Variants in SIPA1L1 observed in about 807,000 individuals in gnomAD.
The protein encoded by SIPA1L1 is signal-induced proliferation-associated 1-like protein 1.
Under a neutral mutation model 162.7 loss-of-function variants are expected in SIPA1L1, and 26 were observed. That is an observed-to-expected ratio of 0.16 (90% CI 0.12 to 0.22). The LOEUF (loss-of-function observed/expected upper bound fraction) is 0.22, where lower values mean the gene tolerates loss of function less well. SIPA1L1 is among the 10% of genes least tolerant of loss of function. SIPA1L1 has a pLI of 1.00. For synonymous variants in SIPA1L1, 829 were observed against 837.4 expected (o/e 0.99, Z 0.17); for missense variants, 1,874 against 2,241.0 (o/e 0.84, Z 3.31).
chr14:71,721,817 G>T (rs1198977695), intron 17 of SIPA1L1, among the ~76,000 whole-genome samples: 1 of 152,208 alleles, frequency 6.6e-6, no homozygotes, highest in Non-Finnish European at 1.5e-5. Flanking sequence ...TCTTAAACCA[G>T]TGCAGCTCTG....
chr14:71,529,812 C>T (rs544534447), intron 4 of SIPA1L1, among the ~76,000 whole-genome samples: 1 of 152,192 alleles, frequency 6.6e-6, no homozygotes, highest in South Asian at 2.1e-4. Flanking sequence ...CAGAGATGGT[C>T]CTGTAATCCT....
chr14:71,383,312 A>G (rs780765993), intron 2 of SIPA1L1, among the ~76,000 whole-genome samples: 1 of 152,180 alleles, frequency 6.6e-6, no homozygotes, highest in Non-Finnish European at 1.5e-5. Context: ...CTTACTTGCT[A>G]TGTTATACTT....
intron 12 of SIPA1L1, among the ~76,000 whole-genome samples, chr14:71,680,034 T>G (rs921220357): frequency 6.6e-6 from 1 of 152,156 alleles, no homozygotes; most frequent in African/African-American, 2.4e-5. Context: ...GACAGAAAGT[T>G]AACAAGGATA....
At chr14:71,701,111 T>C (rs2082070920) in intron 14 of SIPA1L1, among the ~76,000 whole-genome samples, 1 of 151,890 alleles carries the variant, frequency 6.6e-6, no homozygotes, top group African/African-American at 2.4e-5. Context: ...CTTGGCTTCT[T>C]ATAATGGAAT....
chr14:71,658,299 A>C, intron 8 of SIPA1L1, 34 bp from the exon 9 acceptor site: 1 of 968,508 alleles, frequency 1.0e-6, no homozygotes, highest in Non-Finnish European at 1.7e-6. Context: ...TTCCTGTTAT[A>C]GTCATCTCAT....
At chr14:71,700,892 T>G (rs910981687) in intron 14 of SIPA1L1, among the ~76,000 whole-genome samples, 18 of 147,296 alleles carry the variant, frequency 1.2e-4, no homozygotes, top group Admixed American at 3.4e-4. Flanking sequence ...TACTCAGGAG[T>G]CTGAGGCAGG....
intron 3 of SIPA1L1, among the ~76,000 whole-genome samples, chr14:71,522,971 C>T (rs1256130432): frequency 6.6e-6 from 1 of 152,174 alleles, no homozygotes; most frequent in Non-Finnish European, 1.5e-5. Context: ...CTGCACCCGA[C>T]CTTACTCTCT....
intron 4 of SIPA1L1, among the ~76,000 whole-genome samples, chr14:71,583,826 A>G (rs1028793196): frequency 4.6e-5 from 7 of 152,164 alleles, no homozygotes; most frequent in Admixed American, 2.6e-4. Context: ...ATTTGGAGGT[A>G]ACAGCATAGA....
intron 2 of SIPA1L1, among the ~76,000 whole-genome samples, chr14:71,474,081 A>G (rs1006571763): frequency 9.2e-5 from 14 of 152,154 alleles, no homozygotes; most frequent in African/African-American, 3.1e-4. Flanking sequence ...AGACTTACAG[A>G]TTATGTTAAC....
chr14:71,337,008 G>A (rs181834405), intron 2 of SIPA1L1, among the ~76,000 whole-genome samples: 32 of 152,142 alleles, frequency 2.1e-4, no homozygotes, highest in Non-Finnish European at 3.8e-4. Context: ...TTTGACTCCC[G>A]CTGTCCCATT....
chr14:71,381,132 A>C (rs2039859735), intron 2 of SIPA1L1, among the ~76,000 whole-genome samples: 1 of 152,144 alleles, frequency 6.6e-6, no homozygotes, highest in Non-Finnish European at 1.5e-5. Flanking sequence ...GGCTCACTGC[A>C]ACCTCCGCCT....
chr14:71,438,230 A>G (rs893441073), intron 2 of SIPA1L1, among the ~76,000 whole-genome samples: 3 of 152,022 alleles, frequency 2.0e-5, no homozygotes, highest in Non-Finnish European at 4.4e-5. Flanking sequence ...TTTTCTCTCA[A>G]ACTTCTTTAA....
rs879182871 is a variant in SIPA1L1, at chr14:71,588,444, G to A, written c.572G>A (p.Cys191Tyr). ...CTTGATGTGGATAGCTTTGATGAAT[G>A]TATCTCACCTACATACAAGACTGGA... The part of the protein sequence containing the change: ...SELDVDSFDE[C>Y]ISPTYKTGPS... Residue 191 changes from cysteine (C) to tyrosine (Y), a missense_variant, in exon 5 of 24, where the codon TGT (cysteine) becomes TAT (tyrosine). Cys to Tyr is a radical substitution (Grantham distance 194). Coordinates refer to ENST00000381232, the MANE Select transcript of SIPA1L1 (RefSeq NM_001386936.1). This position sits in a 1 kb window ranked among gnomAD's most constrained non-coding sequence, Gnocchi z 4.3. 6.2e-7 allele frequency: 1 copy of A among 1,614,008 alleles called. No individual in the cohort carries two copies. Among genetic ancestry groups the A allele is most frequent in the Non-Finnish European group, 8.5e-7 (1 of 1,179,986 alleles).
intron 22 of SIPA1L1, 62 bp from the exon 23 acceptor site, chr14:71,738,179 A>AC: frequency 1.2e-6 from 1 of 847,790 alleles, no homozygotes; most frequent in Non-Finnish European, 1.8e-6. Context: ...AAAAAAAAAA[A>AC]AAAAAAACAA....
intron 21 of SIPA1L1, among the ~76,000 whole-genome samples, chr14:71,734,442 C>G (rs2085095294): frequency 6.6e-6 from 1 of 152,160 alleles, no homozygotes; most frequent in Non-Finnish European, 1.5e-5. Context: ...TGAATGAAGA[C>G]TGACTTTTTT....
chr14:71,706,413 CAT>C (rs751555653), intron 16 of SIPA1L1, among the ~76,000 whole-genome samples: 3 of 152,148 alleles, frequency 2.0e-5, no homozygotes, highest in Admixed American at 2.0e-4. Flanking sequence ...ATTAATTTCA[CAT>C]GTTTCTTTTC....
intron 5 of SIPA1L1, among the ~76,000 whole-genome samples, chr14:71,600,341 A>T (rs1259056947): frequency 1.3e-5 from 2 of 152,112 alleles, no homozygotes; most frequent in African/African-American, 4.8e-5. Context: ...TTTATTGAAG[A>T]GGGGAAGAGG....
At chr14:71,370,420 T>A (rs1218404865) in intron 2 of SIPA1L1, among the ~76,000 whole-genome samples, 1 of 152,140 alleles carries the variant, frequency 6.6e-6, no homozygotes, top group Non-Finnish European at 1.5e-5. Flanking sequence ...ATTGAGATAA[T>A]CATGTGGTTT....
intron 2 of SIPA1L1, among the ~76,000 whole-genome samples, chr14:71,446,651 T>C (rs1299691728): frequency 6.6e-6 from 1 of 152,070 alleles, no homozygotes; most frequent in East Asian, 1.9e-4. Flanking sequence ...GTCTTCAGTG[T>C]TTTTTTGTGT....
Sources: gnomAD v4.1 joint callset for allele counts (sites outside exome capture counted in the v4.1 genomes callset) on GRCh38, gnomAD v4.1.1 for gene constraint, Gnocchi (gnomAD v3.1) non-coding constraint, MANE v1.5 for transcripts, NCBI Gene and HGNC (gene_info 2026-07-23, HGNC 2026-07-21) for gene names.